The following CNTNAP2 variants were observed in gnomAD, a reference collection of about 807,000 sequenced individuals.
CNTNAP2 encodes contactin associated protein 2, also known as contactin-associated protein-like 2.
Under a neutral mutation model 155.2 loss-of-function variants are expected in CNTNAP2, and 98 were observed. That is an observed-to-expected ratio of 0.63 (90% confidence interval 0.54 to 0.75). The LOEUF (loss-of-function observed/expected upper bound fraction) is 0.75. CNTNAP2 is among the 30% of genes least tolerant of loss of function. The probability of loss-of-function intolerance (pLI) is 0.00; values close to 1 mark genes in which losing one functional copy is unlikely to be tolerated. For missense variants in CNTNAP2, 1,727 were observed against 1,688.1 expected, an observed-to-expected ratio of 1.02 and a Z score of -0.40; for synonymous variants, 651 against 631.2, an observed-to-expected ratio of 1.03 and a Z score of -0.47.
At chr7:146,763,584 T>C (rs1300487296) in intron 1 of CNTNAP2, among the ~76,000 whole-genome samples, 1 of 152,202 alleles carries the variant, frequency 6.6e-6, no homozygotes, top group Non-Finnish European at 1.5e-5. Context: ...GGGTAGTTAA[T>C]ACTATTTTTC....
Position 147,943,766 on chromosome 7 carries a change from CAAAAAAAAAAAAAAAAAAAAAA to C in CNTNAP2, c.2256-34085_2256-34064del, listed in dbSNP as rs144842680. ...TGAGCAACAAAGTGAGACCCCGTCT[CAAAAAAAAAAAAAAAAAAAAAA>C]AAAAAAAAAAGCCTCTAAGTTTGGT... On this transcript the variant is annotated intron_variant, in intron 14 of 23. Coordinates refer to ENST00000361727, the MANE Select transcript of CNTNAP2 (RefSeq NM_014141.6). Among the ~76,000 whole-genome samples, 32 of 40,170 alleles carry C rather than the reference CAAAAAAAAAAAAAAAAAAAAAA, an allele frequency of 8.0e-4. 2 individuals are homozygous for C. The highest frequency in any genetic ancestry group is 1.2e-3 in the Non-Finnish European group (30 of 24,332). The allele number at this position is 40,170 out of a possible 152,430, so 26.4% of individuals were successfully genotyped here.
intron 1 of CNTNAP2, among the ~76,000 whole-genome samples, chr7:146,348,901 T>C (rs1054170301): frequency 1.3e-5 from 2 of 150,904 alleles, no homozygotes; most frequent in Admixed American, 6.6e-5. Context: ...ACAAAAACAA[T>C]TGAATAAGAG....
chr7:147,577,395 C>A (rs1490540947), intron 12 of CNTNAP2, among the ~76,000 whole-genome samples: 2 of 152,036 alleles, frequency 1.3e-5, no homozygotes, highest in Non-Finnish European at 2.9e-5. Flanking sequence ...ATAGTTTCTT[C>A]TCCCAGTGGT....
At chr7:147,680,200 G>C (rs1441184177) in intron 13 of CNTNAP2, among the ~76,000 whole-genome samples, 2 of 151,950 alleles carry the variant, frequency 1.3e-5, no homozygotes, top group East Asian at 3.9e-4. Context: ...TAAGGAAATA[G>C]TGGGTGTGAG....
intron 20 of CNTNAP2, among the ~76,000 whole-genome samples, chr7:148,259,099 A>T (rs1294904876): frequency 6.9e-6 from 1 of 145,694 alleles, no homozygotes; most frequent in Non-Finnish European, 1.5e-5. Flanking sequence ...CTTGAACCAG[A>T]ACTTGGGAGG....
chr7:147,492,730 CT>C (rs1258268211), intron 11 of CNTNAP2, among the ~76,000 whole-genome samples: 1 of 152,154 alleles, frequency 6.6e-6, no homozygotes, highest in Non-Finnish European at 1.5e-5. Flanking sequence ...AACACGCTTG[CT>C]GCATTAAGTG....
At chr7:146,178,239 T>C (rs1798498450) in intron 1 of CNTNAP2, among the ~76,000 whole-genome samples, 1 of 152,130 alleles carries the variant, frequency 6.6e-6, no homozygotes, top group Non-Finnish European at 1.5e-5. Flanking sequence ...TTCACCGTGT[T>C]AGCCAGGATG....
At chr7:146,638,011 C>T (rs1225170672) in intron 1 of CNTNAP2, among the ~76,000 whole-genome samples, 1 of 152,114 alleles carries the variant, frequency 6.6e-6, no homozygotes, top group East Asian at 1.9e-4. Flanking sequence ...TGTATCTAGT[C>T]ATATGTGCAC....
At chr7:146,526,773 A>G (rs1262612002) in intron 1 of CNTNAP2, among the ~76,000 whole-genome samples, 1 of 152,170 alleles carries the variant, frequency 6.6e-6, no homozygotes, top group African/African-American at 2.4e-5. Context: ...ACATTTTGCC[A>G]TATTTCAAGT....
chr7:147,547,934 A>T (rs851818), intron 11 of CNTNAP2, among the ~76,000 whole-genome samples: 2 of 151,976 alleles, frequency 1.3e-5, no homozygotes, highest in African/African-American at 4.8e-5. Flanking sequence ...AAAAGGACAT[A>T]ATCTCATTCC....
chr7:147,043,981 G>T lies in CNTNAP2; in HGVS notation c.477G>T (p.Val159=), dbSNP rs759357451. ...AGCATCCGATTATTGCCCGCTATGT[G>T]CGCATAGTGCCTCTGGATTGGAATG... ...ELQHPIIARY[V]RIVPLDWNGE... is the part of the protein sequence containing the mutation. The change falls in exon 4 of 24, where the codon GTG becomes GTT. Residue 159 remains valine, a synonymous_variant. Transcript: ENST00000361727. 1 of 1,614,224 alleles carries T rather than the reference G, an allele frequency of 6.2e-7. No homozygotes were observed. The highest frequency in any genetic ancestry group is 1.1e-5 in the South Asian group (1 of 91,090).
At chr7:146,329,740 G>A (rs923793593) in intron 1 of CNTNAP2, among the ~76,000 whole-genome samples, 1 of 152,026 alleles carries the variant, frequency 6.6e-6, no homozygotes, top group Non-Finnish European at 1.5e-5. Context: ...CGGTATTACT[G>A]CAACACTTTC....
At chr7:147,343,623 T>A (rs888180328) in intron 9 of CNTNAP2, among the ~76,000 whole-genome samples, 2 of 152,214 alleles carry the variant, frequency 1.3e-5, no homozygotes, top group Admixed American at 6.5e-5. Context: ...ATTGTGAATA[T>A]AAAGTTTTAA....
At chr7:146,601,324 T>A (rs1414358638) in intron 1 of CNTNAP2, among the ~76,000 whole-genome samples, 1 of 152,112 alleles carries the variant, frequency 6.6e-6, no homozygotes, top group Non-Finnish European at 1.5e-5. Context: ...AATTTTGACT[T>A]AAATGTGTGA....
intron 13 of CNTNAP2, among the ~76,000 whole-genome samples, chr7:147,847,448 C>T (rs1404781462): frequency 4.4e-5 from 4 of 91,420 alleles, no homozygotes; most frequent in African/African-American, 1.9e-4. Context: ...TCAGCTCCAT[C>T]AGCTCCTTTA....
intron 8 of CNTNAP2, among the ~76,000 whole-genome samples, chr7:147,187,506 T>C (rs1233453804): frequency 7.9e-5 from 12 of 152,002 alleles, no homozygotes; most frequent in Admixed American, 7.9e-4. Context: ...TGAACTAACC[T>C]AGAAACAGAA....
chr7:146,874,766 G>T (rs1052935840), intron 3 of CNTNAP2, among the ~76,000 whole-genome samples: 4 of 152,176 alleles, frequency 2.6e-5, no homozygotes, highest in African/African-American at 9.7e-5. Flanking sequence ...CAATAAAATT[G>T]TATGATAACA....
intron 1 of CNTNAP2, among the ~76,000 whole-genome samples, chr7:146,474,646 G>A (rs1796848109): frequency 6.6e-6 from 1 of 151,790 alleles, no homozygotes; most frequent in Admixed American, 6.6e-5. Context: ...AAATAGCACA[G>A]ACTTAGTTAC....
chr7:148,165,234 TTTCTC>T (rs1163892777), intron 17 of CNTNAP2, among the ~76,000 whole-genome samples: 1 of 152,198 alleles, frequency 6.6e-6, no homozygotes. Flanking sequence ...CACTTGATCT[TTTCTC>T]TGTGCAAGAG....
Sources: gnomAD v4.1 joint callset for allele counts (sites outside exome capture counted in the v4.1 genomes callset) on GRCh38, gnomAD v4.1.1 for gene constraint, MANE v1.5 for transcripts, NCBI Gene and HGNC (gene_info 2026-07-23, HGNC 2026-07-21) for gene names.